PLEKHG6: variants seen among roughly 807,000 people sequenced by gnomAD.
The protein encoded by PLEKHG6 is pleckstrin homology domain-containing family G member 6.
A neutral mutation model predicts 97.5 loss-of-function variants in PLEKHG6; 91 were observed. The observed-to-expected ratio is 0.93, with a 90% confidence interval of 0.79 to 1.11. The LOEUF (loss-of-function observed/expected upper bound fraction) is 1.11, where lower values mean the gene tolerates loss of function less well. Ranked by LOEUF, PLEKHG6 falls within the 50% of genes most tolerant of loss-of-function variation. The pLI is 0.00. For synonymous variants in PLEKHG6, 466 were observed against 425.5 expected (o/e 1.10, Z -1.17); for missense variants, 1,044 against 1,031.0 (o/e 1.01, Z -0.17).
chr12:6,312,687 C>T, intron 2 of PLEKHG6: 1 of 1,184,626 alleles, frequency 8.4e-7, no homozygotes, highest in Non-Finnish European at 1.0e-6. Flanking sequence ...AGGCTCCCGC[C>T]TCTGCTTGGC....
rs374422770 is a variant in PLEKHG6 at position 6,315,659 on chromosome 12, C to G, written c.555+10C>G. The G allele has an allele frequency of 5.2e-6, 8 of 1,548,942 alleles. No individual in the cohort carries two copies. Among genetic ancestry groups the G allele is most frequent in the East Asian group, 4.6e-5 (2 of 43,362 alleles). On this transcript the variant is annotated intron_variant, in intron 5 of 15. Transcript: ENST00000684764. This position sits in a 1 kb window ranked among gnomAD's most constrained non-coding sequence, Gnocchi z 4.5. ...CAAGATCATGACTGATGTGAGCCCC[C>G]CTCAGCCCCAGCCCCGGCCCCATCT... is the stretch of plus-strand genomic sequence containing the variant.
intron 3 of PLEKHG6, among the ~76,000 whole-genome samples, chr12:6,314,156 G>A (rs996044137): frequency 2.0e-5 from 3 of 152,142 alleles, no homozygotes; most frequent in African/African-American, 7.2e-5. Flanking sequence ...ACATCCAGAT[G>A]GAGTGAGTGA....
intron 13 of PLEKHG6, among the ~76,000 whole-genome samples, chr12:6,321,006 C>T (rs1351969719): frequency 1.3e-5 from 2 of 151,622 alleles, no homozygotes; most frequent in Non-Finnish European, 2.9e-5. Flanking sequence ...CAACAAGAGA[C>T]AGCCACCGTG....
chr12:6,315,811 A>G lies in PLEKHG6; in HGVS notation c.556-58A>G, dbSNP rs2136735140. ...AGTACTGAAGTTGGTGGGGGGTGGG[A>G]GGTGACGACACTGAAGGGCTGCGCT... On this transcript the variant is annotated intron_variant, in intron 5 of 15. Coordinates refer to ENST00000684764, the MANE Select transcript of PLEKHG6 (RefSeq NM_001384598.1). This position sits in a 1 kb window ranked among gnomAD's most constrained non-coding sequence, Gnocchi z 4.5. The G allele has an allele frequency of 8.4e-6, 12 of 1,431,954 alleles. No homozygotes were observed. Among genetic ancestry groups the G allele is most frequent in the Non-Finnish European group, 1.1e-5 (12 of 1,046,084 alleles). 88.7% of individuals were successfully genotyped at this position (1,431,954 alleles called of 1,614,324 possible).
At chr12:6,312,758 G>A (rs149256065) in intron 2 of PLEKHG6, 2 of 1,180,184 alleles carry the variant, frequency 1.7e-6, no homozygotes, top group South Asian at 4.9e-5. Context: ...ATGAGCAAAG[G>A]TTCAGGGTGT....
At chr12:6,321,743 C>T (rs961434908) in intron 13 of PLEKHG6, among the ~76,000 whole-genome samples, 5 of 146,944 alleles carry the variant, frequency 3.4e-5, no homozygotes, top group Admixed American at 2.7e-4. Flanking sequence ...AGGAGAATGG[C>T]GTGAACCCGG....
rs148707090 is a variant in PLEKHG6 at position 6,317,865 on chromosome 12, C to A, written c.1026C>A (p.Ala342=). 6.4e-7 allele frequency: 1 copy of A among 1,553,530 alleles called. No individual in the cohort carries two copies. The highest frequency in any genetic ancestry group is 1.2e-5 in the South Asian group (1 of 84,358). Residue 342 remains alanine (A), a synonymous_variant, in exon 10 of 16, where the codon GCC becomes GCA. Transcript: ENST00000684764. ...AQEALNAMIE[A]VESFLRHING... is the part of the protein sequence containing the mutation. ...CCCCCAACCCCACCTAGATTGAAGCCGTGGAGTCATTCCTGCGACACATCA... is the reference window on the plus strand; with the variant it reads ...CCCCCAACCCCACCTAGATTGAAGCAGTGGAGTCATTCCTGCGACACATCA...
At chr12:6,319,265 T>C (rs1947614509) in intron 13 of PLEKHG6, 157 bp downstream of exon 13, 3 of 618,196 alleles carry the variant, frequency 4.9e-6, no homozygotes, top group Non-Finnish European at 8.5e-6. Context: ...CTGGCCAACA[T>C]GGTGAAACCC....
In PLEKHG6 at chr12:6,312,200, C is replaced by T; in HGVS notation, c.-27C>T. 6.8e-7 allele frequency: 1 copy of T among 1,463,468 alleles called. No homozygotes were observed. Among genetic ancestry groups the T allele is most frequent in the Non-Finnish European group, 9.0e-7 (1 of 1,111,816 alleles). The allele number at this position is 1,463,468 out of a possible 1,614,324, so 90.7% of individuals were successfully genotyped here. A position where few individuals can be genotyped will look rare whatever the true frequency, so the allele number is the denominator to read the frequency against. On this transcript the variant is annotated 5_prime_UTR_variant, in exon 2 of 16. Coordinates refer to ENST00000684764, the MANE Select transcript of PLEKHG6 (RefSeq NM_001384598.1). Reference sequence around the variant, plus strand: ...TCTCCTGGACATTGAAGATATGGCCCTTTGGAGGTGACCCAGGAGAGAAGG... The same window carrying T: ...TCTCCTGGACATTGAAGATATGGCCTTTTGGAGGTGACCCAGGAGAGAAGG...
intron 1 of PLEKHG6, 143 bp from the exon 2 acceptor site, chr12:6,312,016 T>TC (rs1462515218): frequency 2.1e-6 from 1 of 468,160 alleles, no homozygotes; most frequent in Non-Finnish European, 3.7e-6. Context: ...GCAGCCATGT[T>TC]CCCCCCAACA....
At chr12:6,320,332 G>A (rs1947661575) in intron 13 of PLEKHG6, among the ~76,000 whole-genome samples, 1 of 152,152 alleles carries the variant, frequency 6.6e-6, no homozygotes, top group African/African-American at 2.4e-5. Context: ...CCACAAACTT[G>A]GTGGCCTAAA....
intron 7 of PLEKHG6, 51 bp from the exon 8 acceptor site, chr12:6,317,252 C>A: frequency 8.4e-7 from 1 of 1,194,968 alleles, no homozygotes; most frequent in Non-Finnish European, 1.3e-6. Context: ...AGCCTGTATT[C>A]ATGGCCTTCT....
At chr12:6,324,848 C>T (rs1371219981) in intron 13 of PLEKHG6, among the ~76,000 whole-genome samples, 5 of 152,156 alleles carry the variant, frequency 3.3e-5, no homozygotes, top group Non-Finnish European at 7.3e-5. Context: ...GGCTCATATA[C>T]TTCAAGCTGG....
At chr12:6,313,561 C>G in intron 2 of PLEKHG6, 68 bp from the exon 3 acceptor site, 3 of 1,572,528 alleles carry the variant, frequency 1.9e-6, no homozygotes, top group Non-Finnish European at 2.6e-6. Flanking sequence ...AGCCTGCCCC[C>G]CTACTACCTC....
Position 6,328,164 on chromosome 12 carries a change from G to C in PLEKHG6, c.*19G>C. On this transcript the variant is annotated 3_prime_UTR_variant, in exon 16 of 16. Coordinates refer to ENST00000684764, the MANE Select transcript of PLEKHG6 (RefSeq NM_001384598.1). ...GGTATGAGGAATGCAGAGGACCTTT[G>C]GCATGCATCTCTCCCAGAGGAGATC... is the stretch of plus-strand genomic sequence containing the variant. 3.1e-6 allele frequency: 5 copies of C among 1,613,036 alleles called. No homozygotes were observed. The highest frequency in any genetic ancestry group is 4.2e-6 in the Non-Finnish European group (5 of 1,179,072).
In PLEKHG6 at chr12:6,318,389, C is replaced by A. The variant is rs1324964500; in HGVS notation, c.1244C>A (p.Pro415His). The A allele has an allele frequency of 6.2e-7, 1 of 1,612,000 alleles. No homozygotes were observed. The highest frequency in any genetic ancestry group is 1.3e-5 in the African/African-American group (1 of 74,930). Residue 415 changes from proline (P) to histidine (H), a missense_variant, in exon 11 of 16, where the codon CCT becomes CAT. By Grantham distance (77) the Pro-to-His change is moderately conservative. Transcript: ENST00000684764. Reference protein sequence around the residue: ...EHTRQLLLEGPVRVKEGREGK... With the variant: ...EHTRQLLLEGHVRVKEGREGK... ...ACCAGACAGCTGCTGCTGGAGGGGC[C>A]TGTGCGAGTGAAGGAGGGACGAGAA...
At chr12:6,318,017 C>T (rs543830608) in intron 10 of PLEKHG6, 23 bp downstream of exon 10, 23 of 1,570,544 alleles carry the variant, frequency 1.5e-5, no homozygotes, top group East Asian at 1.4e-4. Flanking sequence ...AGGGAAGGGA[C>T]CCAGGAAAAG....
At chr12:6,311,711 G>A (rs1947273429) in intron 1 of PLEKHG6, among the ~76,000 whole-genome samples, 1 of 152,126 alleles carries the variant, frequency 6.6e-6, no homozygotes, top group African/African-American at 2.4e-5. Context: ...AGACTGGGCT[G>A]TCTCCAGCCA....
Position 6,315,447 on chromosome 12 carries a change from G to A in PLEKHG6, c.460-107G>A. The A allele has an allele frequency of 1.3e-6, 1 of 761,452 alleles. No individual in the cohort carries two copies. The highest frequency in any genetic ancestry group is 2.2e-6 in the Non-Finnish European group (1 of 455,936). 47.2% of individuals were successfully genotyped at this position (761,452 alleles called of 1,614,324 possible). On this transcript the variant is annotated intron_variant, in intron 4 of 15. Transcript: ENST00000684764. This position sits in a 1 kb window ranked among gnomAD's most constrained non-coding sequence, Gnocchi z 4.5. ...TTGAGGATTAAAAGGTCATGGTCAT[G>A]CACAAAGTGCCTAGAACCTATGAAG...
Sources: allele counts gnomAD v4.1 joint callset (sites outside exome capture counted in the v4.1 genomes callset), GRCh38; gene constraint gnomAD v4.1.1; non-coding constraint Gnocchi (gnomAD v3.1); transcripts MANE v1.5; gene names NCBI Gene and HGNC (gene_info 2026-07-23, HGNC 2026-07-21).